The following MND1 variants were observed in gnomAD, a reference collection of about 807,000 sequenced individuals.
MND1 encodes the protein meiotic nuclear divisions 1, also known as meiotic nuclear division protein 1 homolog.
MND1 carries 28 observed loss-of-function variants against 35.1 expected under a neutral mutation model. The observed-to-expected ratio is 0.80, with a 90% CI of 0.59 to 1.09. The LOEUF is 1.09. Among genes scored for constraint, MND1 ranks in the 50% least tolerant of loss-of-function variants. MND1 has a pLI of 0.00. For synonymous variants in MND1, 69 were observed against 70.5 expected, an observed-to-expected ratio of 0.98 and a Z score of 0.11; for missense variants, 213 against 239.6, an observed-to-expected ratio of 0.89 and a Z score of 0.73.
rs1773053123 is a variant in MND1 at position 153,345,481 on chromosome 4, C to T, written c.3+741C>T. On this transcript the variant is annotated intron_variant, in intron 1 of 7. Coordinates refer to ENST00000240488, the MANE Select transcript of MND1 (RefSeq NM_032117.4). Reference sequence around the variant, plus strand: ...CGCTCTGCACTGAATTAGGCTTCCTCGTGGGTCATGATCAGTTAAGTCCTG... The same window carrying T: ...CGCTCTGCACTGAATTAGGCTTCCTTGTGGGTCATGATCAGTTAAGTCCTG... 5.1e-6 allele frequency: 5 copies of T among 985,290 alleles called. No individual in the cohort carries two copies. In the South Asian group the frequency reaches 2.3e-4, roughly 46 times the overall value. The allele number at this position is 985,290 out of a possible 1,614,324, so 61.0% of individuals were successfully genotyped here.
chr4:153,389,990 A>T (rs1198024989), intron 4 of MND1, among the ~76,000 whole-genome samples: 1 of 151,542 alleles, frequency 6.6e-6, no homozygotes, highest in African/African-American at 2.4e-5. Flanking sequence ...GAAACTCAGG[A>T]GGTAGAGCCC....
At chr4:153,356,587 A>T (rs1354121439) in intron 3 of MND1, among the ~76,000 whole-genome samples, 4 of 150,136 alleles carry the variant, frequency 2.7e-5, no homozygotes, top group African/African-American at 9.8e-5. Context: ...GATATGTATA[A>T]ATCTGAAGTT....
intron 2 of MND1, 144 bp from the exon 3 acceptor site, chr4:153,355,510 T>A: frequency 1.7e-6 from 1 of 592,174 alleles, no homozygotes. Flanking sequence ...TCATAACACA[T>A]TGTATACCTA....
chr4:153,398,446 A>G (rs1394449430), intron 6 of MND1, among the ~76,000 whole-genome samples: 2 of 152,248 alleles, frequency 1.3e-5, no homozygotes. Flanking sequence ...AGTGGTCTTT[A>G]CAATTAAAGA....
At chr4:153,379,679 G>C (rs1187448905) in intron 4 of MND1, among the ~76,000 whole-genome samples, 3 of 151,592 alleles carry the variant, frequency 2.0e-5, no homozygotes, top group Non-Finnish European at 2.9e-5. Flanking sequence ...GTGAAACCCC[G>C]TCTCTACTAA....
At chr4:153,370,138 C>T (rs1021910330) in intron 4 of MND1, among the ~76,000 whole-genome samples, 7 of 151,806 alleles carry the variant, frequency 4.6e-5, no homozygotes, top group African/African-American at 7.3e-5. Context: ...AAAGATCAGC[C>T]GGACGTGGTG....
intron 2 of MND1, among the ~76,000 whole-genome samples, chr4:153,352,221 G>T (rs567681191): frequency 6.6e-6 from 1 of 152,214 alleles, no homozygotes; most frequent in Admixed American, 6.5e-5. Context: ...CCATGCTTAT[G>T]CCCAGATAAT....
intron 4 of MND1, among the ~76,000 whole-genome samples, chr4:153,359,032 A>C (rs1773414764): frequency 6.6e-6 from 1 of 152,166 alleles, no homozygotes; most frequent in South Asian, 2.1e-4. Flanking sequence ...CAATTGAGTC[A>C]ATATTGATTT....
At position 153,344,689 on chromosome 4, in the gene MND1, C is replaced by T. The variant is rs1437484808; in HGVS notation, c.-49C>T. On this transcript the variant is annotated 5_prime_UTR_variant, in exon 1 of 8. Coordinates refer to ENST00000240488, the MANE Select transcript of MND1 (RefSeq NM_032117.4). ...CAAACGCGTCCTGGCCTGTCCCGCC[C>T]CTCTCCCCAAGCGCGGGCCCGGCCA... is the stretch of plus-strand genomic sequence containing the variant. The T allele has an allele frequency of 1.5e-5, 24 of 1,549,774 alleles. No homozygotes were observed. Among genetic ancestry groups the T allele is most frequent in the Non-Finnish European group, 1.7e-5 (20 of 1,144,850 alleles).
intron 2 of MND1, among the ~76,000 whole-genome samples, chr4:153,352,346 G>A (rs1052919631): frequency 1.3e-5 from 2 of 152,084 alleles, no homozygotes; most frequent in East Asian, 1.9e-4. Flanking sequence ...TAAATTATTT[G>A]CCCGTTGCAC....
intron 4 of MND1, among the ~76,000 whole-genome samples, chr4:153,373,663 C>T (rs1248643842): frequency 6.6e-6 from 1 of 152,172 alleles, no homozygotes; most frequent in African/African-American, 2.4e-5. Flanking sequence ...TAATCTGACA[C>T]ACCTGCTCAT....
intron 4 of MND1, among the ~76,000 whole-genome samples, chr4:153,364,152 A>C (rs960312462): frequency 6.6e-6 from 1 of 152,140 alleles, no homozygotes; most frequent in Non-Finnish European, 1.5e-5. Context: ...TGCACTGTTG[A>C]TGGGAATGTG....
At chr4:153,387,613 A>G (rs1291557717) in intron 4 of MND1, among the ~76,000 whole-genome samples, 2 of 152,056 alleles carry the variant, frequency 1.3e-5, no homozygotes, top group African/African-American at 4.8e-5. Context: ...TGAAAAATAA[A>G]AAAATTAGCT....
At chr4:153,367,267 C>T (rs911837755) in intron 4 of MND1, among the ~76,000 whole-genome samples, 2 of 152,170 alleles carry the variant, frequency 1.3e-5, no homozygotes, top group Admixed American at 1.3e-4. Flanking sequence ...TTACCTCAAA[C>T]AGAAACGCTC....
intron 4 of MND1, among the ~76,000 whole-genome samples, chr4:153,368,397 C>T (rs1045760512): frequency 2.6e-5 from 4 of 152,184 alleles, no homozygotes; most frequent in Admixed American, 6.5e-5. Flanking sequence ...TCCTCTTCTT[C>T]ACTAACAAAA....
intron 4 of MND1, among the ~76,000 whole-genome samples, chr4:153,363,686 C>T (rs1773555011): frequency 6.6e-6 from 1 of 152,038 alleles, no homozygotes; most frequent in African/African-American, 2.4e-5. Flanking sequence ...TAGGTAGAGG[C>T]CATGTCTTAT....
At chr4:153,379,934 A>G (rs1455626062) in intron 4 of MND1, among the ~76,000 whole-genome samples, 1 of 150,292 alleles carries the variant, frequency 6.7e-6, no homozygotes, top group Non-Finnish European at 1.5e-5. Flanking sequence ...AGGTAGGAGG[A>G]TGGCTTGAGC....
chr4:153,361,695 G>A (rs943220271), intron 4 of MND1: 38 of 368,646 alleles, frequency 1.0e-4, no homozygotes, highest in Admixed American at 2.9e-4. Flanking sequence ...AAAAATAGCC[G>A]GGCGTGGTGG....
At chr4:153,404,413 G>A (rs1032701260) in intron 6 of MND1, among the ~76,000 whole-genome samples, 7 of 146,614 alleles carry the variant, frequency 4.8e-5, no homozygotes, top group Non-Finnish European at 8.9e-5. Context: ...GGATGGTCTC[G>A]ATCTCTTGAC....
Sources: gnomAD v4.1 joint callset for allele counts (sites outside exome capture counted in the v4.1 genomes callset) on GRCh38, gnomAD v4.1.1 for gene constraint, MANE v1.5 for transcripts, NCBI Gene and HGNC (gene_info 2026-07-23, HGNC 2026-07-21) for gene names.